The following SMOX variants were observed in gnomAD, a reference collection of about 807,000 sequenced individuals.
SMOX encodes flavin containing amine oxidase.
Under a neutral mutation model 51.0 loss-of-function variants are expected in SMOX, and 22 were observed. That is an observed-to-expected ratio of 0.43 (90% CI 0.31 to 0.62). The LOEUF is 0.62. SMOX is among the 20% of genes least tolerant of loss of function. The pLI, the probability that SMOX is intolerant of heterozygous loss-of-function variation, is 0.10. For missense variants in SMOX, 566 were observed against 777.7 expected, an observed-to-expected ratio of 0.73 and a Z score of 3.24; for synonymous variants, 282 against 307.8, an observed-to-expected ratio of 0.92 and a Z score of 0.88.
intron 1 of SMOX, among the ~76,000 whole-genome samples, chr20:4,157,228 A>G (rs1005512195): frequency 6.6e-6 from 1 of 152,058 alleles, no homozygotes; most frequent in African/African-American, 2.4e-5. Flanking sequence ...CCTCCCTCCT[A>G]GGGTGGCTGG....
chr20:4,176,956 T>C (rs1978903846), intron 2 of SMOX, among the ~76,000 whole-genome samples: 1 of 152,078 alleles, frequency 6.6e-6, no homozygotes, highest in African/African-American at 2.4e-5. Context: ...CCACTGGGGA[T>C]GTTGAAGAAT....
Sources: gnomAD v4.1 joint callset for allele counts (sites outside exome capture counted in the v4.1 genomes callset) on GRCh38, gnomAD v4.1.1 for gene constraint, MANE v1.5 for transcripts, NCBI Gene and HGNC (gene_info 2026-07-23, HGNC 2026-07-21) for gene names.